SH3RF2: variants seen among roughly 807,000 people sequenced by gnomAD.
SH3RF2 encodes E3 ubiquitin-protein ligase SH3RF2.
Under a neutral mutation model 59.0 loss-of-function variants are expected in SH3RF2, and 43 were observed. That is an observed-to-expected ratio of 0.73 (90% CI 0.57 to 0.94). The LOEUF (loss-of-function observed/expected upper bound fraction) is 0.94, where lower values mean the gene tolerates loss of function less well. Among genes scored for constraint, SH3RF2 ranks in the 40% least tolerant of loss-of-function variants. The pLI, the probability that SH3RF2 is intolerant of heterozygous loss-of-function variation, is 0.00. For synonymous variants in SH3RF2, 391 were observed against 391.5 expected (o/e 1.00, Z 0.01); for missense variants, 930 against 940.1 (o/e 0.99, Z 0.14).
intron 5 of SH3RF2, among the ~76,000 whole-genome samples, chr5:146,030,734 C>T (rs1466556703): frequency 7.8e-6 from 1 of 127,764 alleles, no homozygotes; most frequent in African/African-American, 3.1e-5. Flanking sequence ...ATGGCTTTTA[C>T]AGATGTGATT....
chr5:145,977,033 C>A (rs956708733), intron 2 of SH3RF2, among the ~76,000 whole-genome samples: 2 of 152,232 alleles, frequency 1.3e-5, no homozygotes, highest in African/African-American at 4.8e-5. Context: ...TGTGCTCATG[C>A]CAGCTCATGA....
chr5:145,956,415 A>T (rs1437531131), intron 2 of SH3RF2, among the ~76,000 whole-genome samples: 1 of 152,164 alleles, frequency 6.6e-6, no homozygotes, highest in African/African-American at 2.4e-5. Context: ...AGCTGGGATT[A>T]CAGGTGTGCG....
downstream of SH3RF2, among the ~76,000 whole-genome samples, chr5:146,064,233 A>C (rs1762990768): frequency 7.5e-6 from 1 of 133,870 alleles, no homozygotes; most frequent in South Asian, 2.2e-4. Context: ...GCACAGGAAG[A>C]GGCTAAAGGA....
At chr5:146,066,795 C>T (rs972791754), downstream of SH3RF2, among the ~76,000 whole-genome samples, 1 of 152,164 alleles carries the variant, frequency 6.6e-6, no homozygotes, top group African/African-American at 2.4e-5. Flanking sequence ...GGTAGAACCC[C>T]AGCCCCTCAA....
intron 2 of SH3RF2, among the ~76,000 whole-genome samples, chr5:145,990,424 C>T (rs1182650072): frequency 1.3e-5 from 2 of 152,206 alleles, no homozygotes; most frequent in African/African-American, 4.8e-5. Flanking sequence ...GCACATGCCT[C>T]ATCACTGTGC....
chr5:146,000,340 G>T lies in SH3RF2; in HGVS notation c.648+13G>T, dbSNP rs1340899877. On this transcript the variant is annotated intron_variant, in intron 3 of 9. Coordinates refer to ENST00000359120, the MANE Select transcript of SH3RF2 (RefSeq NM_152550.4). ...GACCTTCCTCAAGGTAGGATTCTGGGTGGCCACCAGAGTCACCTGGGACCA... is the reference window on the plus strand; with the variant it reads ...GACCTTCCTCAAGGTAGGATTCTGGTTGGCCACCAGAGTCACCTGGGACCA... The T allele has an allele frequency of 1.9e-6, 3 of 1,609,864 alleles. No homozygotes were observed. The highest frequency in any genetic ancestry group is 2.7e-5 in the African/African-American group (2 of 74,850).
Position 146,060,166 on chromosome 5 carries a change from C to T in SH3RF2, c.1856C>T (p.Ala619Val), listed in dbSNP as rs1377617057. ...AGTGAGCCTCTGCCAAAACCGCCCG[C>T]ATCTGCCCCACCATCCATCCTGGTG... is the stretch of plus-strand genomic sequence containing the variant. The part of the protein sequence containing the change: ...IKSEPLPKPP[A>V]SAPPSILVKP... The change falls in exon 9 of 10, where the codon GCA becomes GTA. Residue 619 changes from alanine (A) to valine (V), a missense_variant. By Grantham distance (64) the Ala-to-Val change is moderately conservative. Transcript: ENST00000359120. 6.2e-7 allele frequency: 1 copy of T among 1,613,992 alleles called. No individual in the cohort carries two copies. Among genetic ancestry groups the T allele is most frequent in the East Asian group, 2.2e-5 (1 of 44,876 alleles).
At chr5:145,997,519 ATCC>A in intron 2 of SH3RF2, 8 of 1,604,740 alleles carry the variant, frequency 5.0e-6, no homozygotes, top group Non-Finnish European at 6.8e-6. Flanking sequence ...TATCTGAAGA[ATCC>A]TCCTCGAGAT....
At chr5:146,017,038 CT>C in intron 5 of SH3RF2, among the ~76,000 whole-genome samples, 1 of 152,180 alleles carries the variant, frequency 6.6e-6, no homozygotes, top group South Asian at 2.1e-4. Flanking sequence ...CATTTTCTTC[CT>C]TTTCATAATG....
intron 5 of SH3RF2, among the ~76,000 whole-genome samples, chr5:146,038,865 G>A (rs940846511): frequency 2.6e-5 from 4 of 152,210 alleles, no homozygotes; most frequent in Admixed American, 6.5e-5. Flanking sequence ...CACTTCTGAC[G>A]AAGAAGATGG....
intron 2 of SH3RF2, among the ~76,000 whole-genome samples, chr5:145,996,813 C>T (rs555528279): frequency 6.6e-6 from 1 of 152,256 alleles, no homozygotes; most frequent in Non-Finnish European, 1.5e-5. Flanking sequence ...GTTCATGTCC[C>T]ATATCTGCCA....
chr5:146,018,466 A>ATATG (rs1372722096), intron 5 of SH3RF2, among the ~76,000 whole-genome samples: 1 of 152,110 alleles, frequency 6.6e-6, no homozygotes, highest in Non-Finnish European at 1.5e-5. Context: ...CATGGTATAT[A>ATATG]TATGTATGTA....
rs10042794 is a variant in SH3RF2 at position 146,020,646 on chromosome 5, C to T, written c.1059+6585C>T. ...ACATATATATTAGAACATATAACAC[C>T]CTCTTTACACTATAAATACCACATA... On this transcript the variant is annotated intron_variant, in intron 5 of 9. Coordinates refer to ENST00000359120, the MANE Select transcript of SH3RF2 (RefSeq NM_152550.4). Among the ~76,000 whole-genome samples the T allele has an allele frequency of 4.6e-3, 700 of 152,090 alleles. 4 individuals carry two copies. The highest frequency in any genetic ancestry group is 0.016 in the African/African-American group (679 of 41,470).
chr5:146,043,900 G>T (rs1169802103), intron 5 of SH3RF2: 1 of 152,190 alleles, frequency 6.6e-6, no homozygotes, highest in Non-Finnish European at 1.5e-5. Flanking sequence ...TAAAATGAAT[G>T]AAGTTGCTCT....
intron 4 of SH3RF2, among the ~76,000 whole-genome samples, chr5:146,004,961 G>T (rs2215009): frequency 6.6e-6 from 1 of 151,860 alleles, no homozygotes; most frequent in Non-Finnish European, 1.5e-5. Flanking sequence ...GTTGGACCAT[G>T]TGGAACTAGC....
At chr5:145,938,911 T>C (rs1340922132) in intron 2 of SH3RF2, among the ~76,000 whole-genome samples, 2 of 152,210 alleles carry the variant, frequency 1.3e-5, no homozygotes, top group Non-Finnish European at 2.9e-5. Flanking sequence ...GCTTCAGCTG[T>C]GTATAGGAGC....
chr5:146,060,308 TG>T, intron 9 of SH3RF2, 84 bp downstream of exon 9: 1 of 1,362,332 alleles, frequency 7.3e-7, no homozygotes, highest in Non-Finnish European at 9.9e-7. Flanking sequence ...TTAGTGTTGG[TG>T]AACAAGGAAC....
At chr5:146,011,301 AGTCAGGT>A in intron 4 of SH3RF2, among the ~76,000 whole-genome samples, 4 of 152,162 alleles carry the variant, frequency 2.6e-5, no homozygotes, top group Non-Finnish European at 5.9e-5. Flanking sequence ...TATAGTTTGA[AGTCAGGT>A]AGCGTGATGC....
intron 2 of SH3RF2, among the ~76,000 whole-genome samples, chr5:145,948,319 G>T (rs1758068594): frequency 6.6e-6 from 1 of 152,210 alleles, no homozygotes; most frequent in South Asian, 2.1e-4. Context: ...TTAAAACTAG[G>T]CATCAACAGA....
Sources: gnomAD v4.1 joint callset for allele counts (sites outside exome capture counted in the v4.1 genomes callset) on GRCh38, gnomAD v4.1.1 for gene constraint, MANE v1.5 for transcripts, NCBI Gene and HGNC (gene_info 2026-07-23, HGNC 2026-07-21) for gene names.